TCEA3: variants seen among roughly 807,000 people sequenced by gnomAD.
TCEA3 encodes transcription elongation factor A3, also known as transcription elongation factor A protein 3.
A neutral mutation model predicts 44.0 loss-of-function variants in TCEA3; 36 were observed. The observed-to-expected ratio is 0.82, with a 90% CI of 0.63 to 1.08. The LOEUF (loss-of-function observed/expected upper bound fraction) is 1.08. Ranked by LOEUF, TCEA3 falls within the 50% of genes least tolerant of loss-of-function variation. The pLI is 0.00. For synonymous variants in TCEA3, 162 were observed against 159.7 expected, an observed-to-expected ratio of 1.01 and a Z score of -0.11; for missense variants, 392 against 441.2, an observed-to-expected ratio of 0.89 and a Z score of 1.00.
At chr1:23,409,874 A>G (rs1201120788) in intron 4 of TCEA3, among the ~76,000 whole-genome samples, 1 of 151,962 alleles carries the variant, frequency 6.6e-6, no homozygotes, top group Non-Finnish European at 1.5e-5. Context: ...ATTTAATTAT[A>G]TTTATTGTCC....
Position 23,417,871 on chromosome 1 carries a change from A to T in TCEA3, c.238+33T>A, listed in dbSNP as rs781417727. The T allele has an allele frequency of 5.0e-6, 8 of 1,604,794 alleles. No individual in the cohort carries two copies. In the South Asian group the frequency reaches 6.6e-5, roughly 13 times the overall value. On this transcript the variant is annotated intron_variant, in intron 3 of 10. Transcript: ENST00000450454. Reference sequence around the variant, plus strand: ...GTCCTGTCCCAAGTGCTAGGAGAAAAACAGGGCTCAAGACAACCTTGTCCT... The same window carrying T: ...GTCCTGTCCCAAGTGCTAGGAGAAATACAGGGCTCAAGACAACCTTGTCCT...
intron 1 of TCEA3, chr1:23,424,012 G>C (rs1040388970): frequency 2.7e-6 from 1 of 377,286 alleles, no homozygotes; most frequent in African/African-American, 2.1e-5. Flanking sequence ...ATTGCCAAAA[G>C]AACCGCTCCT....
chr1:23,409,442 T>A (rs1380087266), intron 4 of TCEA3, among the ~76,000 whole-genome samples: 2 of 152,202 alleles, frequency 1.3e-5, no homozygotes, highest in Admixed American at 1.3e-4. Context: ...TTACTGGTTT[T>A]AAAAAATCAA....
chr1:23,398,629 A>G (rs752457577), intron 5 of TCEA3, among the ~76,000 whole-genome samples: 2 of 152,180 alleles, frequency 1.3e-5, no homozygotes, highest in Non-Finnish European at 2.9e-5. Context: ...CAGGAGGTAT[A>G]CTCTCATCAT....
Position 23,404,107 on chromosome 1 carries a change from T to G in TCEA3, c.443+4557A>C, listed in dbSNP as rs144626834. ...AGAGGCATCTGGAGGCCGGGCCCGC[T>G]GCTTCTGTGCGCCACCTCGAGGGCA... is the stretch of plus-strand genomic sequence containing the variant. On this transcript the variant is annotated intron_variant, in intron 5 of 10. Coordinates refer to ENST00000450454, the MANE Select transcript of TCEA3 (RefSeq NM_003196.3). 1,881 of 702,352 alleles carry G rather than the reference T, an allele frequency of 2.7e-3. 29 individuals carry two copies. The African/African-American group carries it at 0.029, about 11-fold the overall frequency. 43.5% of individuals were successfully genotyped at this position (702,352 alleles called of 1,614,324 possible). A position where few individuals can be genotyped will look rare whatever the true frequency, so the allele number is the denominator to read the frequency against.
At chr1:23,388,199 CT>C (rs148219602) in intron 8 of TCEA3, among the ~76,000 whole-genome samples, 377 of 138,492 alleles carry the variant, frequency 2.7e-3, no homozygotes, top group Admixed American at 2.9e-3. Flanking sequence ...GGATTTTAAA[CT>C]TTTTTTTTTT....
At chr1:23,423,453 A>C (rs1316890401) in intron 1 of TCEA3, among the ~76,000 whole-genome samples, 1 of 152,174 alleles carries the variant, frequency 6.6e-6, no homozygotes, top group African/African-American at 2.4e-5. Context: ...ATGACTGCCC[A>C]GTGTCCACTC....
intron 8 of TCEA3, among the ~76,000 whole-genome samples, chr1:23,388,267 G>C (rs1372944928): frequency 1.3e-5 from 2 of 149,836 alleles, no homozygotes; most frequent in African/African-American, 2.5e-5. Context: ...GTGCGATCTC[G>C]GCTCACTGCA....
At chr1:23,394,350 C>T (rs554694295) in intron 7 of TCEA3, among the ~76,000 whole-genome samples, 90 of 152,288 alleles carry the variant, frequency 5.9e-4, no homozygotes, top group South Asian at 1.7e-3. Flanking sequence ...AACCTCTACA[C>T]GCCTGAGTTT....
intron 5 of TCEA3, among the ~76,000 whole-genome samples, chr1:23,401,853 G>A (rs141500692): frequency 1.4e-4 from 22 of 152,208 alleles, no homozygotes; most frequent in African/African-American, 4.6e-4. Context: ...TGTGAACTGC[G>A]CATGTGAGGG....
In TCEA3 at chr1:23,397,166, G is replaced by A. The variant is rs552115080; in HGVS notation, c.664+379C>T. Among the ~76,000 whole-genome samples the A allele has an allele frequency of 3.9e-5, 6 of 152,262 alleles. No individual in the cohort carries two copies. In the South Asian group the frequency reaches 8.3e-4, roughly 21 times the overall value. On this transcript the variant is annotated intron_variant, in intron 7 of 10. Coordinates refer to ENST00000450454, the MANE Select transcript of TCEA3 (RefSeq NM_003196.3). ...ATTACACAGCCTAGCTGGCACAGCC[G>A]CTGAGCCTCCAGGTTCCAGGGTCAC...
chr1:23,384,517 C>T (rs1207740325), intron 9 of TCEA3, 100 bp from the exon 10 acceptor site: 1 of 1,249,224 alleles, frequency 8.0e-7, no homozygotes, highest in Non-Finnish European at 1.1e-6. Context: ...CAGAGGTTGG[C>T]ACTGAGATTC....
chr1:23,411,920 T>C (rs1239297979), intron 4 of TCEA3, among the ~76,000 whole-genome samples: 1 of 152,256 alleles, frequency 6.6e-6, no homozygotes. Context: ...ATAGATTATG[T>C]GACCTATCAT....
intron 10 of TCEA3, 127 bp downstream of exon 10, chr1:23,384,219 A>G (rs1213011245): frequency 1.9e-6 from 3 of 1,565,922 alleles, no homozygotes; most frequent in Non-Finnish European, 2.6e-6. Context: ...GGCTCTGCAG[A>G]CCTACTCTGT....
chr1:23,414,011 A>ATATATATATATATATATAT (rs1210982291), intron 4 of TCEA3, among the ~76,000 whole-genome samples: 1 of 123,636 alleles, frequency 8.1e-6, no homozygotes, highest in African/African-American at 2.9e-5. Context: ...TATATATATA[A>ATATATATATATATATATAT]ATTTTATATG....
chr1:23,419,201 G>C (rs1297538987), intron 1 of TCEA3, 62 bp from the exon 2 acceptor site: 74 of 1,333,184 alleles, frequency 5.6e-5, no homozygotes, highest in Non-Finnish European at 7.5e-5. Flanking sequence ...TCTGACTATT[G>C]TGTGGTCTTG....
Position 23,408,707 on chromosome 1 carries a change from T to TG in TCEA3, c.399dup (p.Lys134GlnfsTer30). The TG allele has an allele frequency of 6.2e-7, 1 of 1,610,762 alleles. No homozygotes were observed. Among genetic ancestry groups the TG allele is most frequent in the Non-Finnish European group, 8.5e-7 (1 of 1,178,658 alleles). On this transcript the variant is annotated frameshift_variant, in exon 5 of 11. Coordinates refer to ENST00000450454, the MANE Select transcript of TCEA3 (RefSeq NM_003196.3). LOFTEE classifies it high-confidence loss of function. ...TTTGGAGAGGAGGAGGCAGAAGACTTGGAGTCCACAGAGTCTCTCCTGAAA... is the reference window on the plus strand; with the variant it reads ...TTTGGAGAGGAGGAGGCAGAAGACTTGGGAGTCCACAGAGTCTCTCCTGAAA...
At chr1:23,423,421 G>A (rs1640121990) in intron 1 of TCEA3, among the ~76,000 whole-genome samples, 4 of 152,188 alleles carry the variant, frequency 2.6e-5, no homozygotes, top group Admixed American at 2.6e-4. Flanking sequence ...TGAGGCTCTG[G>A]CCTTTATATG....
intron 5 of TCEA3, chr1:23,404,094 A>T: frequency 2.8e-6 from 2 of 702,272 alleles, no homozygotes; most frequent in Non-Finnish European, 5.2e-6. Flanking sequence ...AGGCATCTGG[A>T]GGCCGGGCCC....
Sources: allele counts gnomAD v4.1 joint callset (sites outside exome capture counted in the v4.1 genomes callset), GRCh38; gene constraint gnomAD v4.1.1; transcripts MANE v1.5; gene names NCBI Gene and HGNC (gene_info 2026-07-23, HGNC 2026-07-21).